The following TMEM182 variants were observed in gnomAD, a reference collection of about 807,000 sequenced individuals.
The protein encoded by TMEM182 is transmembrane protein 182.
Under a neutral mutation model 26.8 loss-of-function variants are expected in TMEM182, and 20 were observed. The observed-to-expected ratio is 0.75, with a 90% CI of 0.53 to 1.09. The LOEUF (loss-of-function observed/expected upper bound fraction) is 1.09. Ranked by LOEUF, TMEM182 falls within the 50% of genes least tolerant of loss-of-function variation. TMEM182 has a pLI of 0.00. For synonymous variants in TMEM182, 109 were observed against 102.2 expected (o/e 1.07, Z -0.40); for missense variants, 277 against 275.5 (o/e 1.01, Z -0.04).
chr2:102,753,409 G>A (rs1390975905), intron 1 of TMEM182, among the ~76,000 whole-genome samples: 1 of 152,146 alleles, frequency 6.6e-6, no homozygotes, highest in Non-Finnish European at 1.5e-5. Context: ...TATGGATCTT[G>A]CTGTAGTCAT....
chr2:102,843,129 A>G (rs886189596), intron 3 of TMEM182, among the ~76,000 whole-genome samples: 2 of 152,210 alleles, frequency 1.3e-5, no homozygotes, highest in Admixed American at 6.5e-5. Context: ...GATGTGTGCC[A>G]GGGTTTGTGC....
chr2:102,826,659 G>A (rs536470418), intron 3 of TMEM182, among the ~76,000 whole-genome samples: 2 of 152,058 alleles, frequency 1.3e-5, no homozygotes, highest in South Asian at 2.1e-4. Flanking sequence ...TTACTATTCC[G>A]AAGTCACTGG....
intron 4 of TMEM182, among the ~76,000 whole-genome samples, chr2:102,807,364 G>T (rs1682387759): frequency 6.6e-6 from 1 of 152,148 alleles, no homozygotes; most frequent in Non-Finnish European, 1.5e-5. Flanking sequence ...TGGAAAACAA[G>T]TCTGAGAAAA....
rs1190759731 is a variant in TMEM182 at position 102,797,959 on chromosome 2, A to G, written c.428A>G (p.His143Arg). 5 of 1,613,782 alleles carry G rather than the reference A, an allele frequency of 3.1e-6. No individual in the cohort carries two copies. In the South Asian group the frequency reaches 4.4e-5, roughly 14 times the overall value. ...ATCTGTGCAGCCCCCTTCGCCAGCC[A>G]TTTTCTCTACAAAGCTGGGGGAGGC... ...LIICAAPFAS[H>R]FLYKAGGGSY... The change falls in exon 4 of 5, where the codon CAT (histidine) becomes CGT (arginine). Residue 143 changes from histidine to arginine, a missense_variant. Physicochemically the swap from His to Arg is conservative, Grantham distance 29 (BLOSUM62 0). Coordinates refer to ENST00000412401, the MANE Select transcript of TMEM182 (RefSeq NM_144632.5).
intron 3 of TMEM182, among the ~76,000 whole-genome samples, chr2:102,822,812 C>T (rs1385858949): frequency 1.4e-5 from 2 of 148,048 alleles, no homozygotes; most frequent in African/African-American, 2.5e-5. Flanking sequence ...TGTGGAGGGA[C>T]GGTGGTGCCT....
Position 102,816,399 on chromosome 2 carries a change from G to A in TMEM182, c.*1431G>A. The A allele has an allele frequency of 1.5e-5, 15 of 985,208 alleles. No homozygotes were observed. Among genetic ancestry groups the A allele is most frequent in the Non-Finnish European group, 1.8e-5 (15 of 829,890 alleles). The allele number at this position is 985,208 out of a possible 1,614,324, so 61.0% of individuals were successfully genotyped here. A position where few individuals can be genotyped will look rare whatever the true frequency, so the allele number is the denominator to read the frequency against. On this transcript the variant is annotated 3_prime_UTR_variant, in exon 5 of 5. Coordinates refer to ENST00000412401, the MANE Select transcript of TMEM182 (RefSeq NM_144632.5). ...CAATGCCGTGGGAGAGGTGATCCCA[G>A]TCTTCTCTGTACATCTTGTGCTTTT... is the stretch of plus-strand genomic sequence containing the variant.
At chr2:102,755,080 T>C (rs945345165) in intron 1 of TMEM182, among the ~76,000 whole-genome samples, 2 of 152,214 alleles carry the variant, frequency 1.3e-5, no homozygotes, top group African/African-American at 2.4e-5. Flanking sequence ...TCACTGCAAT[T>C]TCTCTAAGTG....
At chr2:102,739,527 C>T (rs1047993705) in intron 1 of TMEM182, among the ~76,000 whole-genome samples, 1 of 152,134 alleles carries the variant, frequency 6.6e-6, no homozygotes, top group Non-Finnish European at 1.5e-5. Flanking sequence ...TGGTGCTGTT[C>T]TCATGATAGT....
chr2:102,785,077 C>T (rs552181626), intron 3 of TMEM182, among the ~76,000 whole-genome samples: 1 of 152,264 alleles, frequency 6.6e-6, no homozygotes, highest in Admixed American at 6.5e-5. Flanking sequence ...AAAGTTCATG[C>T]AACTTGGGCC....
At chr2:102,776,767 C>G (rs1680931909) in intron 3 of TMEM182, among the ~76,000 whole-genome samples, 1 of 152,152 alleles carries the variant, frequency 6.6e-6, no homozygotes, top group Non-Finnish European at 1.5e-5. Context: ...TACATTCTCA[C>G]CAGTAATGAA....
At chr2:102,775,767 C>T (rs1414214619) in intron 3 of TMEM182, among the ~76,000 whole-genome samples, 1 of 152,138 alleles carries the variant, frequency 6.6e-6, no homozygotes, top group Admixed American at 6.5e-5. Context: ...AGAGCCAAAT[C>T]ATGAGTGAAC....
At chr2:102,785,104 A>T (rs1573531486) in intron 3 of TMEM182, among the ~76,000 whole-genome samples, 1 of 152,158 alleles carries the variant, frequency 6.6e-6, no homozygotes, top group East Asian at 1.9e-4. Flanking sequence ...TTCCACTGAA[A>T]AATGAGCACA....
Position 102,816,626 on chromosome 2 carries a change from T to G in TMEM182, c.*1658T>G. 1.2e-5 allele frequency: 12 copies of G among 985,598 alleles called. No individual in the cohort carries two copies. Among genetic ancestry groups the G allele is most frequent in the Non-Finnish European group, 1.4e-5 (12 of 829,880 alleles). 61.1% of individuals were successfully genotyped at this position (985,598 alleles called of 1,614,324 possible). On this transcript the variant is annotated 3_prime_UTR_variant, in exon 5 of 5. Coordinates refer to ENST00000412401, the MANE Select transcript of TMEM182 (RefSeq NM_144632.5). The stretch of plus-strand genomic sequence containing the variant: ...CGTTTTTGTGGTACTTCCCTTTGTC[T>G]TTCACTGTTTCATTTTTATATTGCT...
intron 4 of TMEM182, among the ~76,000 whole-genome samples, chr2:102,801,310 C>T (rs561773992): frequency 6.6e-6 from 1 of 152,090 alleles, no homozygotes; most frequent in South Asian, 2.1e-4. Flanking sequence ...GCACTCAGAC[C>T]CAGTGGATTA....
chr2:102,831,829 T>A (rs1261217767), intron 3 of TMEM182, among the ~76,000 whole-genome samples: 1 of 152,108 alleles, frequency 6.6e-6, no homozygotes, highest in Non-Finnish European at 1.5e-5. Flanking sequence ...ATATGCTTCT[T>A]AATGGGGGTC....
At chr2:102,808,791 C>T (rs940914421) in intron 4 of TMEM182, among the ~76,000 whole-genome samples, 11 of 152,142 alleles carry the variant, frequency 7.2e-5, no homozygotes, top group African/African-American at 2.7e-4. Context: ...AACATGAATG[C>T]ATTCTCAGGC....
At chr2:102,765,699 G>C (rs1680403742) in intron 3 of TMEM182, among the ~76,000 whole-genome samples, 1 of 152,122 alleles carries the variant, frequency 6.6e-6, no homozygotes, top group Non-Finnish European at 1.5e-5. Context: ...TCATTAATAG[G>C]ACACTTATAA....
chr2:102,840,294 T>C (rs1381049155), intron 3 of TMEM182, among the ~76,000 whole-genome samples: 1 of 152,174 alleles, frequency 6.6e-6, no homozygotes, highest in Non-Finnish European at 1.5e-5. Context: ...GGAAAAGGTG[T>C]GTGCCTAAGT....
At chr2:102,755,627 C>G in intron 1 of TMEM182, among the ~76,000 whole-genome samples, 1 of 152,246 alleles carries the variant, frequency 6.6e-6, no homozygotes. Flanking sequence ...TTTATAGTGT[C>G]TTTAAGATGA....
Sources: allele counts gnomAD v4.1 joint callset (sites outside exome capture counted in the v4.1 genomes callset), GRCh38; gene constraint gnomAD v4.1.1; transcripts MANE v1.5; gene names NCBI Gene and HGNC (gene_info 2026-07-23, HGNC 2026-07-21).